Variants in KLHL32 observed in about 807,000 individuals in gnomAD.
KLHL32 encodes the protein kelch-like protein 32.
Under a neutral mutation model 64.8 loss-of-function variants are expected in KLHL32, and 35 were observed. That is an observed-to-expected ratio of 0.54 (90% confidence interval 0.41 to 0.72). The LOEUF is 0.72. KLHL32 is among the 30% of genes least tolerant of loss of function. KLHL32 has a pLI of 0.00. For missense variants in KLHL32, 589 were observed against 768.5 expected, an observed-to-expected ratio of 0.77 and a Z score of 2.76; for synonymous variants, 259 against 281.0, an observed-to-expected ratio of 0.92 and a Z score of 0.78.
At chr6:97,120,844 T>G (rs1471328595) in intron 7 of KLHL32, among the ~76,000 whole-genome samples, 1 of 152,210 alleles carries the variant, frequency 6.6e-6, no homozygotes, top group African/African-American at 2.4e-5. Flanking sequence ...CTTTAGATCC[T>G]AGCAACCAGC....
At chr6:97,106,742 C>CAAAA (rs113362615) in intron 6 of KLHL32, among the ~76,000 whole-genome samples, 5,782 of 118,510 alleles carry the variant, frequency 0.049, 394 homozygotes, top group African/African-American at 0.17. Flanking sequence ...GACCCTGTCT[C>CAAAA]AAAAAAAAAA....
At chr6:96,906,270 C>T in the KLHL32 span, among the ~76,000 whole-genome samples, 1 of 152,092 alleles carries the variant, frequency 6.6e-6, no homozygotes, top group African/African-American at 2.4e-5. Context: ...TTTTAAGCCT[C>T]TAAGTTTGTA....
At position 97,139,464 on chromosome 6, in the gene KLHL32, G is replaced by C. The variant is rs1399405694; in HGVS notation, c.*182G>C. 1 of 576,676 alleles carries C rather than the reference G, an allele frequency of 1.7e-6. No individual in the cohort carries two copies. The highest frequency in any genetic ancestry group is 1.9e-5 in the African/African-American group (1 of 53,044). The allele number at this position is 576,676 out of a possible 1,614,324, so 35.7% of individuals were successfully genotyped here. On this transcript the variant is annotated 3_prime_UTR_variant, in exon 11 of 11. Coordinates refer to ENST00000369261, the MANE Select transcript of KLHL32 (RefSeq NM_052904.4). ...TTGAAAACTCGTCACCCTTCTCAGTGTATGTCAACATTCAATATGTATGAC... is the reference window on the plus strand; with the variant it reads ...TTGAAAACTCGTCACCCTTCTCAGTCTATGTCAACATTCAATATGTATGAC...
chr6:96,943,716 T>C (rs1447920855), intron 1 of KLHL32, among the ~76,000 whole-genome samples: 1 of 152,244 alleles, frequency 6.6e-6, no homozygotes, highest in Non-Finnish European at 1.5e-5. Context: ...AAGCCTTCAC[T>C]GCTTCCTTTT....
chr6:96,912,485 C>T, the KLHL32 span, among the ~76,000 whole-genome samples: 1 of 152,160 alleles, frequency 6.6e-6, no homozygotes, highest in Non-Finnish European at 1.5e-5. Context: ...CTGGAATACT[C>T]TTTTCTCCAT....
At chr6:96,985,279 G>A (rs1172375606) in intron 3 of KLHL32, among the ~76,000 whole-genome samples, 7 of 152,146 alleles carry the variant, frequency 4.6e-5, no homozygotes, top group Non-Finnish European at 8.8e-5. Context: ...GGGTAACCTG[G>A]TCTTTCTCTC....
In KLHL32 at chr6:96,989,951, C is replaced by G. The variant is rs148869851; in HGVS notation, c.204+13774C>G. On this transcript the variant is annotated intron_variant, in intron 3 of 10. Coordinates refer to ENST00000369261, the MANE Select transcript of KLHL32 (RefSeq NM_052904.4). ...TCAGCTCTATCAGATCAGTTTGTTTCTTTCTTATAATGGCCATTTCATCTT... is the reference window on the plus strand; with the variant it reads ...TCAGCTCTATCAGATCAGTTTGTTTGTTTCTTATAATGGCCATTTCATCTT... 2.2e-3 allele frequency among the ~76,000 whole-genome samples: 342 copies of G among 152,204 alleles called. 2 individuals are homozygous for G. Among genetic ancestry groups the G allele is most frequent in the African/African-American group, 7.7e-3 (319 of 41,538 alleles).
At chr6:96,936,648 GA>G (rs1448334593) in intron 1 of KLHL32, among the ~76,000 whole-genome samples, 1 of 152,174 alleles carries the variant, frequency 6.6e-6, no homozygotes, top group African/African-American at 2.4e-5. Context: ...CAGATCCCCA[GA>G]AGGTCTTCTT....
At chr6:96,984,663 A>C (rs1776774163) in intron 3 of KLHL32, among the ~76,000 whole-genome samples, 1 of 152,006 alleles carries the variant, frequency 6.6e-6, no homozygotes, top group African/African-American at 2.4e-5. Flanking sequence ...TGTTGGTTTA[A>C]AGTCTGTTTT....
chr6:97,017,984 G>T (rs1031067038), intron 3 of KLHL32, among the ~76,000 whole-genome samples: 1 of 152,136 alleles, frequency 6.6e-6, no homozygotes, highest in African/African-American at 2.4e-5. Flanking sequence ...AAGTCACTGG[G>T]AATTTGGGTT....
upstream of KLHL32, among the ~76,000 whole-genome samples, chr6:96,921,984 CTTGT>C (rs1426659836): frequency 1.3e-5 from 2 of 152,162 alleles, no homozygotes; most frequent in Non-Finnish European, 2.9e-5. Context: ...CTCTAGGATA[CTTGT>C]TTAAGAAAGT....
chr6:97,002,831 A>C (rs1037576483), intron 3 of KLHL32, among the ~76,000 whole-genome samples: 1 of 152,198 alleles, frequency 6.6e-6, no homozygotes, highest in African/African-American at 2.4e-5. Flanking sequence ...TTACACAAAA[A>C]AGAATAGTAC....
intron 1 of KLHL32, among the ~76,000 whole-genome samples, chr6:96,958,248 A>C (rs7759257): frequency 6.6e-6 from 1 of 152,140 alleles, no homozygotes; most frequent in Non-Finnish European, 1.5e-5. Flanking sequence ...TAGACCCCCC[A>C]CCCCAACAAG....
chr6:97,009,230 A>G (rs1780056854), intron 3 of KLHL32, among the ~76,000 whole-genome samples: 1 of 151,654 alleles, frequency 6.6e-6, no homozygotes, highest in African/African-American at 2.4e-5. Context: ...ATAGAGTGGA[A>G]TTTTGGTTTA....
intron 3 of KLHL32, among the ~76,000 whole-genome samples, chr6:97,001,731 T>A (rs938859444): frequency 2.0e-5 from 3 of 152,238 alleles, no homozygotes; most frequent in Non-Finnish European, 4.4e-5. Context: ...GAAGAACAGA[T>A]AATAGTCATG....
chr6:96,915,057 A>G, the KLHL32 span: 4 of 152,220 alleles, frequency 2.6e-5, no homozygotes, highest in African/African-American at 4.8e-5. Context: ...CCTCCTAAAA[A>G]GAAAGAATAA....
At chr6:96,941,047 G>A (rs1771220194) in intron 1 of KLHL32, among the ~76,000 whole-genome samples, 1 of 152,220 alleles carries the variant, frequency 6.6e-6, no homozygotes, top group Admixed American at 6.5e-5. Flanking sequence ...AGGATTTACT[G>A]TAGAGTGGCA....
chr6:97,060,883 A>T (rs772700955), intron 4 of KLHL32, among the ~76,000 whole-genome samples: 1 of 152,052 alleles, frequency 6.6e-6, no homozygotes, highest in Non-Finnish European at 1.5e-5. Flanking sequence ...GTCGGTTCTT[A>T]TCCCCACCAA....
At chr6:97,031,362 G>A (rs569627652) in intron 3 of KLHL32, among the ~76,000 whole-genome samples, 24 of 150,700 alleles carry the variant, frequency 1.6e-4, no homozygotes, top group Non-Finnish European at 5.9e-5. Flanking sequence ...TTGAGATAGA[G>A]TCTCACTCTT....
Sources: gnomAD v4.1 joint callset for allele counts (sites outside exome capture counted in the v4.1 genomes callset) on GRCh38, gnomAD v4.1.1 for gene constraint, MANE v1.5 for transcripts, NCBI Gene and HGNC (gene_info 2026-07-23, HGNC 2026-07-21) for gene names.